ACOXL: variants seen among roughly 807,000 people sequenced by gnomAD.
ACOXL encodes acyl-CoA oxidase like.
ACOXL carries 70 observed loss-of-function variants against 71.9 expected under a neutral mutation model. The ratio of observed to expected loss-of-function variants is 0.97; its 90% CI spans 0.80 to 1.19. The LOEUF is 1.19. Ranked by LOEUF, ACOXL falls within the 50% of genes most tolerant of loss-of-function variation. The pLI, the probability that ACOXL is intolerant of heterozygous loss-of-function variation, is 0.00. For synonymous variants in ACOXL, 253 were observed against 281.6 expected (o/e 0.90, Z 1.02); for missense variants, 703 against 736.3 (o/e 0.95, Z 0.52).
At chr2:111,023,569 G>T (rs961779900) in intron 14 of ACOXL, among the ~76,000 whole-genome samples, 4 of 152,188 alleles carry the variant, frequency 2.6e-5, no homozygotes, top group Non-Finnish European at 5.9e-5. Flanking sequence ...GGACGTGTGG[G>T]AGAAGGGGCC....
intron 2 of ACOXL, among the ~76,000 whole-genome samples, chr2:110,782,549 A>G (rs1466113698): frequency 6.6e-6 from 1 of 152,238 alleles, no homozygotes; most frequent in Non-Finnish European, 1.5e-5. Flanking sequence ...CATGAGATCT[A>G]ATAGCAAAGG....
At chr2:110,818,342 C>T (rs573497365) in intron 9 of ACOXL, among the ~76,000 whole-genome samples, 25 of 147,224 alleles carry the variant, frequency 1.7e-4, no homozygotes, top group African/African-American at 6.0e-4. Flanking sequence ...TGCAGTGAGC[C>T]GAGATCGCAC....
intron 15 of ACOXL, among the ~76,000 whole-genome samples, chr2:111,043,504 C>G (rs1418224110): frequency 6.6e-6 from 1 of 152,124 alleles, no homozygotes; most frequent in Non-Finnish European, 1.5e-5. Context: ...CGCAGTCACA[C>G]ACAGGTGGGA....
At chr2:111,043,561 G>A (rs1214236582) in intron 15 of ACOXL, among the ~76,000 whole-genome samples, 4 of 152,130 alleles carry the variant, frequency 2.6e-5, no homozygotes, top group South Asian at 2.1e-4. Context: ...CTCGTGGTGC[G>A]GTCAGTGGAG....
chr2:111,000,346 T>C (rs997496715), intron 14 of ACOXL, among the ~76,000 whole-genome samples: 1 of 152,168 alleles, frequency 6.6e-6, no homozygotes, highest in Non-Finnish European at 1.5e-5. Context: ...AGGTGTTGCC[T>C]GCCTTCTTAT....
chr2:111,117,345 G>A (rs903327242), intron 17 of ACOXL, among the ~76,000 whole-genome samples: 2 of 152,196 alleles, frequency 1.3e-5, no homozygotes, highest in Non-Finnish European at 2.9e-5. Flanking sequence ...GCTAATTTGG[G>A]GGCAAAGCCG....
intron 7 of ACOXL, 62 bp downstream of exon 7, chr2:110,799,162 A>G (rs1021291958): frequency 2.0e-6 from 3 of 1,503,048 alleles, no homozygotes; most frequent in Non-Finnish European, 9.3e-7. Flanking sequence ...ACCTGACTCA[A>G]GGAGAATCTA....
intron 17 of ACOXL, among the ~76,000 whole-genome samples, chr2:111,117,013 C>T (rs1038055021): frequency 6.6e-6 from 1 of 152,220 alleles, no homozygotes; most frequent in Non-Finnish European, 1.5e-5. Flanking sequence ...GGATTTTCCG[C>T]AGCGGCCAGG....
At chr2:111,096,717 T>G (rs1473085356) in intron 17 of ACOXL, among the ~76,000 whole-genome samples, 1 of 152,236 alleles carries the variant, frequency 6.6e-6, no homozygotes, top group Non-Finnish European at 1.5e-5. Context: ...GGTTGTCTTT[T>G]ATTGTGTGTT....
intron 16 of ACOXL, among the ~76,000 whole-genome samples, chr2:111,061,286 C>G (rs1371114937): frequency 2.0e-5 from 3 of 152,138 alleles, no homozygotes; most frequent in Non-Finnish European, 2.9e-5. Flanking sequence ...AACATTTTAT[C>G]TCTAAAGAGA....
chr2:110,880,600 C>T (rs559464083), intron 10 of ACOXL, among the ~76,000 whole-genome samples: 165 of 152,294 alleles, frequency 1.1e-3, no homozygotes, highest in Admixed American at 2.0e-3. Context: ...GTTCTTGGAG[C>T]TAGAGTTGTT....
At chr2:110,819,225 A>G (rs1688321732) in intron 9 of ACOXL, among the ~76,000 whole-genome samples, 1 of 152,220 alleles carries the variant, frequency 6.6e-6, no homozygotes. Flanking sequence ...TTTGGACCAG[A>G]TAATGAAGGG....
chr2:110,799,246 C>A, intron 7 of ACOXL, 146 bp downstream of exon 7: 1 of 734,060 alleles, frequency 1.4e-6, no homozygotes, highest in Non-Finnish European at 2.4e-6. Flanking sequence ...TTTGAAGCCT[C>A]ATGAAGTCTT....
At chr2:110,956,130 G>A (rs1215792019) in intron 12 of ACOXL, among the ~76,000 whole-genome samples, 1 of 151,852 alleles carries the variant, frequency 6.6e-6, no homozygotes, top group Non-Finnish European at 1.5e-5. Flanking sequence ...AGACGGGTTT[G>A]TTGGTCAGGC....
At chr2:111,071,020 A>G (rs2067315353) in intron 16 of ACOXL, among the ~76,000 whole-genome samples, 1 of 152,206 alleles carries the variant, frequency 6.6e-6, no homozygotes, top group South Asian at 2.1e-4. Flanking sequence ...CCAAAGACTT[A>G]GAAGGAAAAG....
intron 9 of ACOXL, among the ~76,000 whole-genome samples, chr2:110,826,354 CT>C (rs1689160123): frequency 6.6e-6 from 1 of 152,220 alleles, no homozygotes. Context: ...CAGTCACCTT[CT>C]AGCTGTGTGA....
At chr2:110,735,536 G>A (rs1573249861) in intron 1 of ACOXL, among the ~76,000 whole-genome samples, 2 of 152,212 alleles carry the variant, frequency 1.3e-5, no homozygotes, top group Admixed American at 1.3e-4. Flanking sequence ...CACACACTGG[G>A]TGGCCACTCT....
intron 17 of ACOXL, chr2:111,093,800 G>C: frequency 2.9e-6 from 1 of 348,678 alleles, no homozygotes; most frequent in Non-Finnish European, 5.2e-6. Context: ...GGAGTTGGAG[G>C]TTGCAGTGAG....
At chr2:110,997,773 G>T (rs2063463186) in intron 14 of ACOXL, among the ~76,000 whole-genome samples, 1 of 152,172 alleles carries the variant, frequency 6.6e-6, no homozygotes, top group South Asian at 2.1e-4. Context: ...TCACGAAATT[G>T]GCTGGGCGTG....
Sources: allele counts gnomAD v4.1 joint callset (sites outside exome capture counted in the v4.1 genomes callset), GRCh38; gene constraint gnomAD v4.1.1; transcripts MANE v1.5; gene names NCBI Gene and HGNC (gene_info 2026-07-23, HGNC 2026-07-21).